ACTG2: variants seen among roughly 807,000 people sequenced by gnomAD.
ACTG2 encodes the protein actin gamma 2, smooth muscle.
Under a neutral mutation model 37.6 loss-of-function variants are expected in ACTG2, and 16 were observed. The ratio of observed to expected loss-of-function variants is 0.43; its 90% CI spans 0.29 to 0.65. ACTG2 has a LOEUF of 0.65. Among genes scored for constraint, ACTG2 ranks in the 30% least tolerant of loss-of-function variants. The pLI is 0.18. For missense variants in ACTG2, 238 were observed against 490.9 expected, an observed-to-expected ratio of 0.48 and a Z score of 4.87; for synonymous variants, 181 against 179.9, an observed-to-expected ratio of 1.01 and a Z score of -0.05.
intron 1 of ACTG2, among the ~76,000 whole-genome samples, chr2:73,899,996 T>G (rs1679842915): frequency 6.6e-6 from 1 of 152,220 alleles, no homozygotes; most frequent in Non-Finnish European, 1.5e-5. Context: ...CCTCGCGTTC[T>G]CAGGCCTGTG....
At chr2:73,919,388 T>TTA in intron 8 of ACTG2, 44 bp from the exon 9 acceptor site, 1 of 1,587,128 alleles carries the variant, frequency 6.3e-7, no homozygotes, top group Non-Finnish European at 8.6e-7. Context: ...CCTTGCTTAT[T>TTA]CCCTTGGGGA....
At chr2:73,901,598 G>C (rs1301207353) in intron 2 of ACTG2, 161 bp downstream of exon 2, 7 of 1,046,126 alleles carry the variant, frequency 6.7e-6, no homozygotes, top group African/African-American at 1.7e-5. Flanking sequence ...GTGTGTGTGT[G>C]TGTGTGTCTG....
At chr2:73,906,327 C>T (rs1450012695) in intron 3 of ACTG2, among the ~76,000 whole-genome samples, 2 of 151,732 alleles carry the variant, frequency 1.3e-5, no homozygotes, top group African/African-American at 4.8e-5. Flanking sequence ...GGTGGGCACC[C>T]GTAGTCCCAG....
intron 3 of ACTG2, chr2:73,908,218 A>T: frequency 2.1e-6 from 1 of 466,058 alleles, no homozygotes; most frequent in Non-Finnish European, 4.4e-6. Context: ...GCCCAACAGG[A>T]ACTGTGCTCA....
chr2:73,898,802 C>CTTTTTTTTTTTTTTTTTTT (rs1165118275), intron 1 of ACTG2, among the ~76,000 whole-genome samples: 3 of 93,016 alleles, frequency 3.2e-5, no homozygotes, highest in Admixed American at 1.0e-4. Flanking sequence ...TTTTTTTTTT[C>CTTTTTTTTTTTTTTTTTTT]TTTTTTTTTT....
chr2:73,899,093 AG>A (rs1234451109), intron 1 of ACTG2, among the ~76,000 whole-genome samples: 4 of 152,056 alleles, frequency 2.6e-5, no homozygotes, highest in African/African-American at 9.7e-5. Flanking sequence ...TACAGGCGTG[AG>A]CCACCGCGCC....
chr2:73,913,772 G>T (rs1006863119), intron 6 of ACTG2, 126 bp downstream of exon 6: 3 of 809,580 alleles, frequency 3.7e-6, no homozygotes, highest in Middle Eastern at 2.4e-4. Context: ...TAGACTGAGA[G>T]GCCTTAAGCT....
chr2:73,895,326 A>C (rs1229523527), intron 1 of ACTG2, among the ~76,000 whole-genome samples: 1 of 152,174 alleles, frequency 6.6e-6, no homozygotes, highest in South Asian at 2.1e-4. Context: ...CCCACGACAG[A>C]TTGTGGAGGA....
intron 1 of ACTG2, among the ~76,000 whole-genome samples, chr2:73,899,151 G>C (rs1679823101): frequency 6.6e-6 from 1 of 151,968 alleles, no homozygotes; most frequent in Non-Finnish European, 1.5e-5. Context: ...CCACATATAG[G>C]AATTCATATT....
chr2:73,902,086 A>C (rs1000425403), intron 2 of ACTG2, among the ~76,000 whole-genome samples: 4 of 148,876 alleles, frequency 2.7e-5, no homozygotes, highest in African/African-American at 1.0e-4. Context: ...GATGAGGGGA[A>C]GAAGTGTATG....
At chr2:73,919,096 C>T (rs1334655535) in intron 8 of ACTG2, among the ~76,000 whole-genome samples, 1 of 152,182 alleles carries the variant, frequency 6.6e-6, no homozygotes, top group African/African-American at 2.4e-5. Context: ...AGCTGCTTCC[C>T]AGGGGCAGCT....
At chr2:73,912,270 G>T (rs1680155533) in intron 5 of ACTG2, among the ~76,000 whole-genome samples, 1 of 152,164 alleles carries the variant, frequency 6.6e-6, no homozygotes, top group African/African-American at 2.4e-5. Flanking sequence ...CGATTCTCCT[G>T]CCTCAGTCTC....
intron 1 of ACTG2, chr2:73,896,913 C>T (rs536919065): frequency 3.3e-5 from 5 of 152,374 alleles, no homozygotes; most frequent in South Asian, 2.1e-4. Context: ...CTGACATGCT[C>T]GAGTCTAGCC....
chr2:73,908,291 C>T, intron 3 of ACTG2: 4 of 472,458 alleles, frequency 8.5e-6, no homozygotes, highest in Middle Eastern at 3.2e-4. Flanking sequence ...ACTTTCCAGC[C>T]TCTTGCAGGA....
chr2:73,912,737 T>C (rs1680164190), intron 5 of ACTG2, among the ~76,000 whole-genome samples: 1 of 152,206 alleles, frequency 6.6e-6, no homozygotes, highest in South Asian at 2.1e-4. Context: ...TATCTGCAAA[T>C]AATGACAATT....
chr2:73,899,242 C>G (rs1456474260), intron 1 of ACTG2, among the ~76,000 whole-genome samples: 1 of 152,046 alleles, frequency 6.6e-6, no homozygotes, highest in Non-Finnish European at 1.5e-5. Flanking sequence ...GCAGGAGAAT[C>G]ACTTGAACCC....
chr2:73,909,590 C>T (rs530609014), intron 5 of ACTG2, among the ~76,000 whole-genome samples: 5 of 152,292 alleles, frequency 3.3e-5, no homozygotes, highest in Non-Finnish European at 5.9e-5. Context: ...CTACTACATG[C>T]CCCGGCTGTA....
chr2:73,897,326 C>G (rs1043313287), intron 1 of ACTG2: 1 of 152,288 alleles, frequency 6.6e-6, no homozygotes, highest in Non-Finnish European at 1.5e-5. Context: ...TAAGTCACAC[C>G]GGAGAGAGGG....
chr2:73,908,414 G>A (rs1202204808), intron 3 of ACTG2: 6 of 563,390 alleles, frequency 1.1e-5, no homozygotes, highest in Admixed American at 2.2e-5. Flanking sequence ...GTAGGAGAGT[G>A]AAGAGGAGGG....
Sources: allele counts gnomAD v4.1 joint callset (sites outside exome capture counted in the v4.1 genomes callset), GRCh38; gene constraint gnomAD v4.1.1; transcripts MANE v1.5; gene names NCBI Gene and HGNC (gene_info 2026-07-23, HGNC 2026-07-21).